Variants in PDE1C observed in about 807,000 individuals in gnomAD.
The protein encoded by PDE1C is dual specificity calcium/calmodulin-dependent 3',5'-cyclic nucleotide phosphodiesterase 1C.
Under a neutral mutation model 93.1 loss-of-function variants are expected in PDE1C, and 62 were observed. The ratio of observed to expected loss-of-function variants is 0.67; its 90% confidence interval spans 0.54 to 0.82. The LOEUF (loss-of-function observed/expected upper bound fraction) is 0.82, where lower values mean the gene tolerates loss of function less well. Ranked by LOEUF, PDE1C falls within the 40% of genes least tolerant of loss-of-function variation. The pLI is 0.00. For synonymous variants in PDE1C, 325 were observed against 310.1 expected, an observed-to-expected ratio of 1.05 and a Z score of -0.50; for missense variants, 742 against 884.6, an observed-to-expected ratio of 0.84 and a Z score of 2.04.
the PDE1C span, among the ~76,000 whole-genome samples, chr7:31,644,475 GGTGTGTTACTCTTAT>G: frequency 2.6e-5 from 4 of 152,118 alleles, no homozygotes; most frequent in Admixed American, 2.6e-4. Flanking sequence ...TAATTGTGTG[GGTGTGTTACTCTTAT>G]ATGTGTTACT....
intron 2 of PDE1C, among the ~76,000 whole-genome samples, chr7:31,935,359 T>C (rs1327173281): frequency 1.3e-5 from 2 of 152,166 alleles, no homozygotes; most frequent in African/African-American, 2.4e-5. Flanking sequence ...ACTCTGCCCC[T>C]TGCCCCAGGC....
upstream of PDE1C, chr7:32,070,963 G>C: frequency 6.1e-6 from 6 of 985,664 alleles, no homozygotes; most frequent in Non-Finnish European, 7.2e-6. Flanking sequence ...GCGCCCCTCT[G>C]TTTTCTCTCA....
chr7:32,269,434 A>G (rs1275815321), intron 1 of PDE1C, among the ~76,000 whole-genome samples: 1 of 148,042 alleles, frequency 6.8e-6, no homozygotes, highest in South Asian at 2.2e-4. Flanking sequence ...GGAGTGTAGG[A>G]TATATTTTTT....
chr7:32,245,254 A>G (rs1260059382), intron 1 of PDE1C, among the ~76,000 whole-genome samples: 1 of 152,154 alleles, frequency 6.6e-6, no homozygotes, highest in African/African-American at 2.4e-5. Context: ...CTGCCATCCC[A>G]TCAACCCAAG....
At chr7:32,133,812 C>A (rs1800058100) in intron 3 of PDE1C, among the ~76,000 whole-genome samples, 1 of 151,988 alleles carries the variant, frequency 6.6e-6, no homozygotes, top group African/African-American at 2.4e-5. Context: ...TCAATCTTAA[C>A]CCAAATATCA....
intron 3 of PDE1C, among the ~76,000 whole-genome samples, chr7:32,168,516 A>C (rs552147922): frequency 6.6e-6 from 1 of 152,298 alleles, no homozygotes; most frequent in East Asian, 1.9e-4. Flanking sequence ...CTCCATAAGA[A>C]ATGCTCCAAG....
At chr7:31,725,984 A>C in the PDE1C span, among the ~76,000 whole-genome samples, 1 of 152,224 alleles carries the variant, frequency 6.6e-6, no homozygotes, top group African/African-American at 2.4e-5. Context: ...AATTATGCTT[A>C]CTTCTACTTC....
chr7:32,122,568 A>T (rs901678666), intron 3 of PDE1C, among the ~76,000 whole-genome samples: 1 of 152,210 alleles, frequency 6.6e-6, no homozygotes, highest in Non-Finnish European at 1.5e-5. Context: ...ACTTACTCAA[A>T]ACCACACAAT....
chr7:31,848,406 G>T (rs1170317314), intron 8 of PDE1C, among the ~76,000 whole-genome samples: 15 of 152,012 alleles, frequency 9.9e-5, no homozygotes. Context: ...AAAAATATGG[G>T]TCATGTCAAA....
the PDE1C span, among the ~76,000 whole-genome samples, chr7:31,721,281 T>C: frequency 6.6e-6 from 1 of 152,194 alleles, no homozygotes; most frequent in South Asian, 2.1e-4. Flanking sequence ...AGTTAGCAAA[T>C]GACATTCAAT....
chr7:32,251,770 G>C (rs1398718172), intron 1 of PDE1C, among the ~76,000 whole-genome samples: 1 of 152,158 alleles, frequency 6.6e-6, no homozygotes, highest in Non-Finnish European at 1.5e-5. Flanking sequence ...CACCATGTCT[G>C]CCCTTAAACC....
chr7:32,080,292 C>T (rs918778200), intron 3 of PDE1C, among the ~76,000 whole-genome samples: 2 of 152,134 alleles, frequency 1.3e-5, no homozygotes, highest in Non-Finnish European at 1.5e-5. Flanking sequence ...CCCTGTCCCC[C>T]TGACCTTCCC....
chr7:32,384,552 CAG>C (rs1454616026), intron 1 of PDE1C, among the ~76,000 whole-genome samples: 1 of 152,094 alleles, frequency 6.6e-6, no homozygotes, highest in Admixed American at 6.5e-5. Flanking sequence ...GGGTAAGACA[CAG>C]AGTTCAGTCT....
chr7:32,078,644 G>A (rs73098678), intron 3 of PDE1C, among the ~76,000 whole-genome samples: 16,527 of 152,200 alleles, frequency 0.11, 1,337 homozygotes, highest in East Asian at 0.43. Flanking sequence ...TTTAGGCTTG[G>A]CCAGGCATGG....
At chr7:31,979,321 GTTTCTAT>G (rs1265754242) in intron 2 of PDE1C, among the ~76,000 whole-genome samples, 1 of 152,102 alleles carries the variant, frequency 6.6e-6, no homozygotes, top group Non-Finnish European at 1.5e-5. Context: ...CCATGCCATG[GTTTCTAT>G]CTCTAAAATG....
At chr7:31,697,186 G>T in the PDE1C span, 1 of 1,568,090 alleles carries the variant, frequency 6.4e-7, no homozygotes, top group South Asian at 1.2e-5. Context: ...CCATCTGGAG[G>T]TCCCCAGGGC....
intron 9 of PDE1C, among the ~76,000 whole-genome samples, chr7:31,845,126 CTGT>C (rs1270295791): frequency 6.6e-6 from 1 of 152,116 alleles, no homozygotes; most frequent in Non-Finnish European, 1.5e-5. Flanking sequence ...TGACACACTC[CTGT>C]TGTTTTCTAT....
Position 31,778,219 on chromosome 7 carries a change from C to T in PDE1C, c.1892-2487G>A, listed in dbSNP as rs144252173. The stretch of plus-strand genomic sequence containing the variant: ...ATGCACAACCCCAGTGGATGCCCGT[C>T]GCATTGTATCTTACACAAAGAATGG... On this transcript the variant is annotated intron_variant, in intron 16 of 17. Transcript: ENST00000396191. Among the ~76,000 whole-genome samples, 1,021 of 152,250 alleles carry T rather than the reference C, an allele frequency of 6.7e-3. 10 individuals carry two copies. The highest frequency in any genetic ancestry group is 5.7e-3 in the African/African-American group (237 of 41,554).
At chr7:32,309,184 AG>A (rs1298352591) in intron 1 of PDE1C, among the ~76,000 whole-genome samples, 2 of 152,248 alleles carry the variant, frequency 1.3e-5, no homozygotes, top group Non-Finnish European at 2.9e-5. Context: ...TGAAGCAAGA[AG>A]GGAAGTTTAG....
Sources: allele counts gnomAD v4.1 joint callset (sites outside exome capture counted in the v4.1 genomes callset), GRCh38; gene constraint gnomAD v4.1.1; transcripts MANE v1.5; gene names NCBI Gene and HGNC (gene_info 2026-07-23, HGNC 2026-07-21).